Variants in GPD1L observed in about 807,000 individuals in gnomAD.
The protein encoded by GPD1L is glycerol-3-phosphate dehydrogenase 1-like protein.
A neutral mutation model predicts 32.9 loss-of-function variants in GPD1L; 17 were observed. The observed-to-expected ratio is 0.52, with a 90% CI of 0.35 to 0.78. The LOEUF (loss-of-function observed/expected upper bound fraction) is 0.78. Ranked by LOEUF, GPD1L falls within the 30% of genes least tolerant of loss-of-function variation. The probability of loss-of-function intolerance (pLI) is 0.01; values close to 1 mark genes in which losing one functional copy is unlikely to be tolerated. For missense variants in GPD1L, 361 were observed against 447.8 expected (o/e 0.81, Z 1.75); for synonymous variants, 187 against 165.9 (o/e 1.13, Z -0.98).
Position 32,106,803 on chromosome 3 carries a change from C to A in GPD1L, c.47+45C>A, listed in dbSNP as rs1035693303. 12 of 1,531,790 alleles carry A rather than the reference C, an allele frequency of 7.8e-6. No homozygotes were observed. The African/African-American group carries it at 8.6e-5, about 11-fold the overall frequency. The allele number at this position is 1,531,790 out of a possible 1,614,324, so 94.9% of individuals were successfully genotyped here. ...AGGCCGGGGCTCCGCTTCCAGGAAG[C>A]GCCTCTCCCGGGCGGTGAGGGCTGC... On this transcript the variant is annotated intron_variant, in intron 1 of 7. Transcript: ENST00000282541. This position sits in a 1 kb window ranked among gnomAD's most constrained non-coding sequence, Gnocchi z 4.0.
intron 5 of GPD1L, among the ~76,000 whole-genome samples, chr3:32,155,349 G>A (rs902406867): frequency 6.6e-6 from 1 of 152,210 alleles, no homozygotes; most frequent in African/African-American, 2.4e-5. Flanking sequence ...GAGGCAGTGT[G>A]TAACTAGCCT....
chr3:32,155,285 C>T (rs1198556121), intron 5 of GPD1L, among the ~76,000 whole-genome samples: 1 of 152,010 alleles, frequency 6.6e-6, no homozygotes, highest in Non-Finnish European at 1.5e-5. Flanking sequence ...CTCAGTTGTG[C>T]CAGTTGGGAA....
chr3:32,125,298 C>A (rs1042702851), intron 1 of GPD1L, among the ~76,000 whole-genome samples: 2 of 152,210 alleles, frequency 1.3e-5, no homozygotes, highest in Admixed American at 1.3e-4. Flanking sequence ...CAACACAGCC[C>A]ACTCTCCCCT....
intron 1 of GPD1L, among the ~76,000 whole-genome samples, chr3:32,110,084 A>G (rs1700225046): frequency 6.6e-6 from 1 of 152,158 alleles, no homozygotes. Flanking sequence ...CGCCCAGCTA[A>G]TTTTTTGTGT....
chr3:32,108,152 A>G (rs1366072791), intron 1 of GPD1L, among the ~76,000 whole-genome samples: 1 of 152,232 alleles, frequency 6.6e-6, no homozygotes, highest in African/African-American at 2.4e-5. Context: ...TAATCCCAGC[A>G]CTTTGGGAGG....
intron 7 of GPD1L, among the ~76,000 whole-genome samples, chr3:32,159,943 G>C (rs1332327308): frequency 6.6e-6 from 1 of 152,146 alleles, no homozygotes; most frequent in Admixed American, 6.5e-5. Context: ...TAAGATTCTA[G>C]TTTGTCTCGC....
intron 1 of GPD1L, among the ~76,000 whole-genome samples, chr3:32,116,572 G>A (rs1223617137): frequency 1.3e-5 from 2 of 152,142 alleles, no homozygotes; most frequent in African/African-American, 4.8e-5. Context: ...TGCCAGGAAA[G>A]GGTGCTGTGA....
At chr3:32,124,665 C>G (rs1700478216) in intron 1 of GPD1L, among the ~76,000 whole-genome samples, 1 of 152,140 alleles carries the variant, frequency 6.6e-6, no homozygotes, top group Non-Finnish European at 1.5e-5. Context: ...GTGGCTCATG[C>G]CTGTAATCCT....
chr3:32,119,165 A>G (rs1435268152), intron 1 of GPD1L, among the ~76,000 whole-genome samples: 1 of 152,162 alleles, frequency 6.6e-6, no homozygotes, highest in Non-Finnish European at 1.5e-5. Flanking sequence ...TGTTAGTTCT[A>G]TTTTTAATTC....
chr3:32,109,237 A>G (rs1309640342), intron 1 of GPD1L, among the ~76,000 whole-genome samples: 2 of 152,202 alleles, frequency 1.3e-5, no homozygotes, highest in Admixed American at 6.5e-5. Context: ...CATTTAGCAC[A>G]TGTTTTTTTA....
intron 2 of GPD1L, among the ~76,000 whole-genome samples, chr3:32,129,382 T>C (rs1700556047): frequency 6.6e-6 from 1 of 152,286 alleles, no homozygotes; most frequent in South Asian, 2.1e-4. Context: ...TCAATAAATG[T>C]GGGGAAGTTT....
chr3:32,158,477 T>G, intron 5 of GPD1L: 1 of 308,448 alleles, frequency 3.2e-6, no homozygotes, highest in Non-Finnish European at 6.3e-6. Context: ...TTTGTGAAAA[T>G]TCTTCAATCC....
chr3:32,158,515 G>A, intron 5 of GPD1L: 1 of 373,762 alleles, frequency 2.7e-6, no homozygotes, highest in Non-Finnish European at 5.1e-6. Flanking sequence ...GTACTTTTCT[G>A]TATGAATGTT....
At chr3:32,132,361 A>G (rs1700597802) in intron 2 of GPD1L, among the ~76,000 whole-genome samples, 1 of 152,246 alleles carries the variant, frequency 6.6e-6, no homozygotes, top group South Asian at 2.1e-4. Context: ...AGGAAGAACA[A>G]ACCAGGATGA....
chr3:32,130,781 G>C (rs1044026046), intron 2 of GPD1L, among the ~76,000 whole-genome samples: 1 of 152,150 alleles, frequency 6.6e-6, no homozygotes. Flanking sequence ...GGGAGGCTGA[G>C]GGGGGCGGAT....
Position 32,140,237 on chromosome 3 carries a change from G to T in GPD1L, c.376G>T (p.Glu126Ter). ...CTTGGCATCCTTGTAGGGCATAGAC[G>T]AGGGCCCCGAGGGGCTGAAGCTCAT... ...LGITLIKGID[E>*]GPEGLKLISD... The change falls in exon 4 of 8, where the codon GAG becomes TAG. Residue 126 changes from glutamate to a stop codon, truncating the protein, a stop_gained. Transcript: ENST00000282541. LOFTEE classifies it high-confidence loss of function. 6.2e-7 allele frequency: 1 copy of T among 1,614,006 alleles called. No homozygotes were observed. The highest frequency in any genetic ancestry group is 8.5e-7 in the Non-Finnish European group (1 of 1,179,974).
intron 5 of GPD1L, among the ~76,000 whole-genome samples, chr3:32,150,818 C>T (rs1700908466): frequency 6.6e-6 from 1 of 152,108 alleles, no homozygotes; most frequent in Admixed American, 6.5e-5. Flanking sequence ...GGCTGGACGT[C>T]GTGGGTCATC....
At chr3:32,115,034 C>T (rs755461382) in intron 1 of GPD1L, among the ~76,000 whole-genome samples, 25 of 152,230 alleles carry the variant, frequency 1.6e-4, no homozygotes, top group Non-Finnish European at 3.4e-4. Flanking sequence ...AAAGCATCCA[C>T]GGAGTAGAAG....
Position 32,165,841 on chromosome 3 carries a change from G to T in GPD1L, c.987G>T (p.Gln329His), listed in dbSNP as rs767661465. ...DKFPLFTAVY[Q>H]ICYESRPVQE... ...TTCCATTGTTTACTGCAGTGTATCA[G>T]ATCTGCTACGAAAGCAGACCAGTTC... The change falls in exon 8 of 8, where the codon CAG becomes CAT. Residue 329 changes from glutamine to histidine, a missense_variant. By Grantham distance (24) the Gln-to-His change is conservative. Coordinates refer to ENST00000282541, the MANE Select transcript of GPD1L (RefSeq NM_015141.4). The T allele has an allele frequency of 3.1e-6, 5 of 1,606,888 alleles. No individual in the cohort carries two copies. Among genetic ancestry groups the T allele is most frequent in the Non-Finnish European group, 4.3e-6 (5 of 1,173,558 alleles).
Sources: gnomAD v4.1 joint callset for allele counts (sites outside exome capture counted in the v4.1 genomes callset) on GRCh38, gnomAD v4.1.1 for gene constraint, Gnocchi (gnomAD v3.1) non-coding constraint, MANE v1.5 for transcripts, NCBI Gene and HGNC (gene_info 2026-07-23, HGNC 2026-07-21) for gene names.